DCBLD2: variants seen among roughly 807,000 people sequenced by gnomAD.
DCBLD2 encodes the protein discoidin, CUB and LCCL domain-containing protein 2.
Under a neutral mutation model 86.8 loss-of-function variants are expected in DCBLD2, and 54 were observed. That is an observed-to-expected ratio of 0.62 (90% CI 0.50 to 0.78). The LOEUF (loss-of-function observed/expected upper bound fraction) is 0.78. Among genes scored for constraint, DCBLD2 ranks in the 30% least tolerant of loss-of-function variants. DCBLD2 has a pLI of 0.00. For synonymous variants in DCBLD2, 354 were observed against 341.3 expected (o/e 1.04, Z -0.41); for missense variants, 908 against 954.2 (o/e 0.95, Z 0.64).
intron 1 of DCBLD2, among the ~76,000 whole-genome samples, chr3:98,889,755 T>G (rs1364145569): frequency 4.6e-5 from 7 of 152,060 alleles, no homozygotes; most frequent in Non-Finnish European, 1.0e-4. Context: ...ATTTTACTGA[T>G]TCCCTCATTA....
rs1378420291 is a variant in DCBLD2 at position 98,820,261 on chromosome 3, T to C, written c.858A>G (p.Thr286=). The C allele has an allele frequency of 3.4e-6, 5 of 1,472,032 alleles. No homozygotes were observed. Among genetic ancestry groups the C allele is most frequent in the African/African-American group, 1.4e-5 (1 of 69,544 alleles). 91.2% of individuals were successfully genotyped at this position (1,472,032 alleles called of 1,614,324 possible). The change falls in exon 7 of 16, where the codon ACA becomes ACG. Residue 286 remains threonine (T), a synonymous_variant. Transcript: ENST00000326840. ...TAAAAGGCTTACCACTTGTCTTAAA[T>C]GTAAAAAGACTTGTAGATAAGTGTC... ...VVGHLSTSLF[T]FKTSGCYGTL... is the part of the protein sequence containing the mutation.
At chr3:98,817,506 A>ATT (rs1942043874) in intron 9 of DCBLD2, among the ~76,000 whole-genome samples, 1 of 152,350 alleles carries the variant, frequency 6.6e-6, no homozygotes, top group Admixed American at 6.5e-5. Flanking sequence ...CTTTCTTAAT[A>ATT]AAGTGTCTAA....
rs113027789 is a variant in DCBLD2 at position 98,888,569 on chromosome 3, G to A, written c.206-6802C>T. Among the ~76,000 whole-genome samples the A allele has an allele frequency of 1.3e-3, 198 of 152,062 alleles. 1 individual carries two copies. In the East Asian group the frequency reaches 0.016, roughly 13 times the overall value. ...ACGACATACCATACGAAAACAACTG[G>A]TGTCAAGGTCCTAAGCCATAACAAT... On this transcript the variant is annotated intron_variant, in intron 1 of 15. Transcript: ENST00000326840.
chr3:98,892,626 C>T (rs1943682972), intron 1 of DCBLD2, among the ~76,000 whole-genome samples: 1 of 152,142 alleles, frequency 6.6e-6, no homozygotes, highest in African/African-American at 2.4e-5. Context: ...GAGGGAAGAA[C>T]TAAGCTGAGT....
At chr3:98,841,089 T>C (rs1942611639) in intron 3 of DCBLD2, among the ~76,000 whole-genome samples, 1 of 152,200 alleles carries the variant, frequency 6.6e-6, no homozygotes, top group Non-Finnish European at 1.5e-5. Flanking sequence ...GTAACCATAG[T>C]ATCTATAAAA....
Position 98,901,161 on chromosome 3 carries a change from C to G in DCBLD2, c.166G>C (p.Val56Leu). The G allele has an allele frequency of 1.3e-6, 2 of 1,538,472 alleles. No homozygotes were observed. Among genetic ancestry groups the G allele is most frequent in the Non-Finnish European group, 1.7e-6 (2 of 1,146,726 alleles). The change falls in exon 1 of 16, where the codon GTC becomes CTC. Residue 56 changes from valine (V) to leucine (L), a missense_variant. Physicochemically the swap from Val to Leu is conservative, Grantham distance 32 (BLOSUM62 1). Coordinates refer to ENST00000326840, the MANE Select transcript of DCBLD2 (RefSeq NM_080927.4). ...GCGTCCTCGAGCAGCAGGAGCAGGACAAGTAAGAGCAGGAGGAACAGAGGC... is the reference window on the plus strand; with the variant it reads ...GCGTCCTCGAGCAGCAGGAGCAGGAGAAGTAAGAGCAGGAGGAACAGAGGC... Reference protein sequence around the residue: ...SMPLFLLLLLVLLLLLEDAGA... With the variant: ...SMPLFLLLLLLLLLLLEDAGA...
intron 3 of DCBLD2, among the ~76,000 whole-genome samples, chr3:98,841,130 T>C (rs1942612178): frequency 1.3e-5 from 2 of 152,146 alleles, no homozygotes; most frequent in Non-Finnish European, 2.9e-5. Flanking sequence ...TTACCTGCCT[T>C]CCCTAATCCT....
chr3:98,846,104 G>A (rs1222092337), intron 3 of DCBLD2, among the ~76,000 whole-genome samples: 1 of 152,086 alleles, frequency 6.6e-6, no homozygotes, highest in African/African-American at 2.4e-5. Context: ...GTATAGGGCA[G>A]GAAATAAGGA....
intron 2 of DCBLD2, among the ~76,000 whole-genome samples, chr3:98,874,563 T>C (rs62278534): frequency 0.031 from 4,754 of 152,280 alleles, 102 homozygotes; most frequent in Middle Eastern, 0.068. Flanking sequence ...TGGAAATCAG[T>C]GGATACTTCC....
In DCBLD2 at chr3:98,900,354, AC is replaced by A. The variant is rs776517847; in HGVS notation, c.205+767del. Among the ~76,000 whole-genome samples, 4 of 152,232 alleles carry A rather than the reference AC, an allele frequency of 2.6e-5. No individual in the cohort carries two copies. The South Asian group carries it at 6.2e-4, about 24-fold the overall frequency. ...CAAACTGATTCAAAAAGTGTGGTAC[AC>A]TACGGGAAAACAGTACTAAAGGGGA... On this transcript the variant is annotated intron_variant, in intron 1 of 15. Coordinates refer to ENST00000326840, the MANE Select transcript of DCBLD2 (RefSeq NM_080927.4).
intron 2 of DCBLD2, among the ~76,000 whole-genome samples, chr3:98,863,677 T>A (rs919081458): frequency 2.6e-5 from 4 of 152,206 alleles, no homozygotes; most frequent in Non-Finnish European, 5.9e-5. Context: ...AAGCTGAAAC[T>A]GGATCCCTTC....
chr3:98,858,881 G>A (rs1243038386), intron 2 of DCBLD2, among the ~76,000 whole-genome samples: 4 of 152,202 alleles, frequency 2.6e-5, no homozygotes, highest in South Asian at 2.1e-4. Context: ...CAGTGTGAGC[G>A]ACGCAGAAGA....
chr3:98,900,799 G>A (rs1559805127), intron 1 of DCBLD2: 1 of 398,038 alleles, frequency 2.5e-6, no homozygotes, highest in Non-Finnish European at 4.7e-6. Flanking sequence ...TAACTTTAGG[G>A]GTCATTACCT....
At position 98,796,529 on chromosome 3, in the gene DCBLD2, G is replaced by A. The variant is rs766493014; in HGVS notation, c.*2843C>T. On this transcript the variant is annotated 3_prime_UTR_variant, in exon 16 of 16. Transcript: ENST00000326840. ...GCCACATTCATATTTAGATAAGCTC[G>A]GACTCTGCTCCCCTCTTCTGGAGAT... The A allele has an allele frequency of 4.6e-5, 7 of 152,530 alleles. No individual in the cohort carries two copies. The highest frequency in any genetic ancestry group is 9.7e-5 in the African/African-American group (4 of 41,412). 9.4% of individuals were successfully genotyped at this position (152,530 alleles called of 1,614,324 possible). A position where few individuals can be genotyped will look rare whatever the true frequency, so the allele number is the denominator to read the frequency against.
chr3:98,836,615 T>C (rs1942456717), intron 3 of DCBLD2, among the ~76,000 whole-genome samples: 2 of 143,328 alleles, frequency 1.4e-5, no homozygotes, highest in South Asian at 2.2e-4. Context: ...TGGGCACACC[T>C]CCCAGACGGG....
intron 1 of DCBLD2, 27 bp from the exon 2 acceptor site, chr3:98,881,794 A>T: frequency 6.4e-7 from 1 of 1,566,628 alleles, no homozygotes; most frequent in Non-Finnish European, 8.7e-7. Context: ...AAGAATGATA[A>T]ATTATTCTCA....
rs1275265983 is a variant in DCBLD2, at chr3:98,799,243, A to T, written c.*129T>A. The T allele has an allele frequency of 1.0e-6, 1 of 986,606 alleles. No individual in the cohort carries two copies. Among genetic ancestry groups the T allele is most frequent in the Non-Finnish European group, 1.5e-6 (1 of 680,840 alleles). 61.1% of individuals were successfully genotyped at this position (986,606 alleles called of 1,614,324 possible). A position where few individuals can be genotyped will look rare whatever the true frequency, so the allele number is the denominator to read the frequency against. ...CAAGATTAGTAGTTTCCTGTACCTC[A>T]GTCACCACATTTTCCCCAACCACTT... On this transcript the variant is annotated 3_prime_UTR_variant, in exon 16 of 16. Transcript: ENST00000326840.
In DCBLD2 at chr3:98,836,052, CTGTG is replaced by C. The variant is rs540771780; in HGVS notation, c.572-10690_572-10687del. 1.0e-3 allele frequency among the ~76,000 whole-genome samples: 118 copies of C among 116,988 alleles called. 2 individuals are homozygous for C. The highest frequency in any genetic ancestry group is 8.6e-3 in the Middle Eastern group (2 of 232). 76.7% of individuals were successfully genotyped at this position (116,988 alleles called of 152,430 possible). On this transcript the variant is annotated intron_variant, in intron 3 of 15. Coordinates refer to ENST00000326840, the MANE Select transcript of DCBLD2 (RefSeq NM_080927.4). ...ATTTTATAGTAATAAATCAGTCCTC[CTGTG>C]TGTGTGTGTATGTGTGTGTGTATGT...
At chr3:98,899,209 T>G (rs1005599432) in intron 1 of DCBLD2, among the ~76,000 whole-genome samples, 1 of 151,788 alleles carries the variant, frequency 6.6e-6, no homozygotes, top group Admixed American at 6.6e-5. Flanking sequence ...ATATTAAACC[T>G]TAAAAAATGA....
Sources: gnomAD v4.1 joint callset for allele counts (sites outside exome capture counted in the v4.1 genomes callset) on GRCh38, gnomAD v4.1.1 for gene constraint, MANE v1.5 for transcripts, NCBI Gene and HGNC (gene_info 2026-07-23, HGNC 2026-07-21) for gene names.